The following CDKL5 variants were observed in gnomAD, a reference collection of about 807,000 sequenced individuals.
CDKL5 encodes the protein cyclin-dependent kinase-like 5.
Under a neutral mutation model 61.7 loss-of-function variants are expected in CDKL5, and 8 were observed. The ratio of observed to expected loss-of-function variants is 0.13; its 90% confidence interval spans 0.08 to 0.23. CDKL5 has a LOEUF of 0.23. CDKL5 is among the 10% of genes least tolerant of loss of function. CDKL5 has a pLI of 1.00. For missense variants in CDKL5, 440 were observed against 734.5 expected (o/e 0.60, Z 4.63); for synonymous variants, 275 against 272.3 (o/e 1.01, Z -0.10).
At chrX:18,449,896 G>A (rs1056730072) in intron 1 of CDKL5, among the ~76,000 whole-genome samples, 19 of 110,411 alleles carry the variant, frequency 1.7e-4, no homozygotes, top group Non-Finnish European at 3.8e-5. Flanking sequence ...CCATGTTCAA[G>A]CGATTCCCCT....
intron 3 of CDKL5, among the ~76,000 whole-genome samples, chrX:18,522,427 C>G (rs773281895): frequency 3.0e-5 from 3 of 100,786 alleles, no homozygotes; most frequent in Non-Finnish European, 4.0e-5. Flanking sequence ...TCACTGCAAC[C>G]TCTGCCTCCT....
chrX:18,616,814 G>A (rs1442615639), intron 15 of CDKL5, among the ~76,000 whole-genome samples: 2 of 111,024 alleles, frequency 1.8e-5, no homozygotes, highest in African/African-American at 3.3e-5. Flanking sequence ...AGCTAACCAC[G>A]CTTATCACAT....
At chrX:18,531,927 C>T (rs1923660910) in intron 3 of CDKL5, among the ~76,000 whole-genome samples, 1 of 107,505 alleles carries the variant, frequency 9.3e-6, no homozygotes, top group Middle Eastern at 4.7e-3. Context: ...AGGATGGTCT[C>T]GATCTCCTGA....
intron 4 of CDKL5, among the ~76,000 whole-genome samples, chrX:18,569,712 T>C (rs1257260846): frequency 8.9e-6 from 1 of 111,778 alleles, no homozygotes; most frequent in Non-Finnish European, 1.9e-5. Flanking sequence ...GTCTAGAATT[T>C]ATTTTTGACA....
chrX:18,608,418 C>T (rs1410817322), intron 12 of CDKL5, among the ~76,000 whole-genome samples: 1 of 112,041 alleles, frequency 8.9e-6, no homozygotes, highest in Non-Finnish European at 1.9e-5. Context: ...TGGAACTGCA[C>T]AGTTCATTTT....
intron 14 of CDKL5, among the ~76,000 whole-genome samples, chrX:18,612,811 A>G (rs923289172): frequency 9.0e-6 from 1 of 111,524 alleles, no homozygotes; most frequent in African/African-American, 3.3e-5. Flanking sequence ...GTTCCCTGGA[A>G]TGCCTTCACC....
chrX:18,550,410 C>A (rs193240926), intron 3 of CDKL5, among the ~76,000 whole-genome samples: 70 of 111,839 alleles, frequency 6.3e-4, no homozygotes, highest in Non-Finnish European at 7.9e-4. Flanking sequence ...TTTACCTGAA[C>A]AAGACTATAA....
Position 18,564,457 on chromosome X carries a change from C to T in CDKL5, c.100-20C>T, listed in dbSNP as rs759234287. On this transcript the variant is annotated intron_variant, in intron 3 of 17. Transcript: ENST00000623535. ...AAAACACTGGAGAATGACTTTCCTT[C>T]TGCTTCTTTTCCCTTGCAGGAAACA... is the stretch of plus-strand genomic sequence containing the variant. The T allele has an allele frequency of 2.6e-6, 3 of 1,156,137 alleles. No individual in the cohort carries two copies. The African/African-American group carries it at 5.4e-5, about 21-fold the overall frequency.
intron 1 of CDKL5, among the ~76,000 whole-genome samples, chrX:18,451,970 G>A (rs1380650770): frequency 8.9e-6 from 1 of 112,355 alleles, no homozygotes; most frequent in Non-Finnish European, 1.9e-5. Flanking sequence ...GAAGGTATAT[G>A]TGCTGATACT....
chrX:18,534,013 G>A (rs1327993791), intron 3 of CDKL5, among the ~76,000 whole-genome samples: 1 of 111,887 alleles, frequency 8.9e-6, no homozygotes, highest in Non-Finnish European at 1.9e-5. Flanking sequence ...TCTGTCCCTG[G>A]TTCTCTGCTG....
chrX:18,641,871 T>A (rs776150678), downstream of CDKL5: 13 of 609,625 alleles, frequency 2.1e-5, no homozygotes, highest in African/African-American at 2.3e-4. Flanking sequence ...AAAAAAAAAA[T>A]TATCTACCCA....
At chrX:18,522,444 A>G (rs1261908751) in intron 3 of CDKL5, among the ~76,000 whole-genome samples, 1 of 99,701 alleles carries the variant, frequency 1.0e-5, no homozygotes, top group Non-Finnish European at 2.0e-5. Flanking sequence ...TCCTGGGTTC[A>G]AGCAATTCTC....
intron 11 of CDKL5, among the ~76,000 whole-genome samples, chrX:18,600,518 T>G (rs1006997019): frequency 7.1e-5 from 8 of 112,204 alleles, no homozygotes; most frequent in South Asian, 7.5e-4. Context: ...CCCAATGATA[T>G]AAAGTCCAGT....
intron 1 of CDKL5, among the ~76,000 whole-genome samples, chrX:18,466,735 G>A (rs1467926799): frequency 1.8e-5 from 2 of 111,469 alleles, no homozygotes; most frequent in African/African-American, 6.5e-5. Flanking sequence ...CTGGTCTTAA[G>A]CTCCTGGGCT....
At position 18,635,683 on chromosome X, in the gene CDKL5, G is replaced by C; in HGVS notation, c.*6926G>C. 5 of 679,844 alleles carry C rather than the reference G, an allele frequency of 7.4e-6. No homozygotes were observed. The highest frequency in any genetic ancestry group is 8.8e-6 in the Non-Finnish European group (5 of 571,292). 56.0% of individuals were successfully genotyped at this position (679,844 alleles called of 1,213,427 possible). A position where few individuals can be genotyped will look rare whatever the true frequency, so the allele number is the denominator to read the frequency against. ...TTTATACTTGAGTGTTGTCACCTTT[G>C]CACGTCGCTAGACACTCACGTGGTA... is the stretch of plus-strand genomic sequence containing the variant. On this transcript the variant is annotated 3_prime_UTR_variant, in exon 18 of 18. Transcript: ENST00000623535.
intron 1 of CDKL5, among the ~76,000 whole-genome samples, chrX:18,471,302 A>G (rs1216468284): frequency 1.8e-5 from 2 of 111,904 alleles, no homozygotes; most frequent in Admixed American, 1.9e-4. Flanking sequence ...TCATTACCTC[A>G]AGCATTTATC....
intron 9 of CDKL5, chrX:18,589,741 A>C (rs1925766991): frequency 8.9e-6 from 1 of 112,388 alleles, no homozygotes; most frequent in African/African-American, 3.2e-5. Flanking sequence ...GAACTAGTTT[A>C]CAGTCCCACC....
At chrX:18,571,803 C>T (rs1197979243) in intron 4 of CDKL5, among the ~76,000 whole-genome samples, 1 of 111,665 alleles carries the variant, frequency 9.0e-6, no homozygotes, top group East Asian at 2.8e-4. Flanking sequence ...ATTAACTCCA[C>T]TTTCTGCCTG....
At chrX:18,485,088 AT>A (rs1003028889) in intron 1 of CDKL5, among the ~76,000 whole-genome samples, 13 of 107,506 alleles carry the variant, frequency 1.2e-4, no homozygotes, top group African/African-American at 3.7e-4. Flanking sequence ...TCAAGGCAGA[AT>A]TTTTTTTTCT....
Sources: gnomAD v4.1 joint callset for allele counts (sites outside exome capture counted in the v4.1 genomes callset) on GRCh38, gnomAD v4.1.1 for gene constraint, MANE v1.5 for transcripts, NCBI Gene and HGNC (gene_info 2026-07-23, HGNC 2026-07-21) for gene names.